PDZRN4: variants seen among roughly 807,000 people sequenced by gnomAD.
PDZRN4 encodes the protein PDZ domain containing ring finger 4.
In PDZRN4, 70 loss-of-function variants were observed where a neutral mutation model predicts 99.0. The ratio of observed to expected loss-of-function variants is 0.71; its 90% CI spans 0.58 to 0.86. The LOEUF (loss-of-function observed/expected upper bound fraction) is 0.86. PDZRN4 is among the 40% of genes least tolerant of loss of function. The pLI, the probability that PDZRN4 is intolerant of heterozygous loss-of-function variation, is 0.00. For synonymous variants in PDZRN4, 551 were observed against 501.6 expected (o/e 1.10, Z -1.32); for missense variants, 1,474 against 1,331.2 (o/e 1.11, Z -1.67).
At chr12:41,238,809 AC>A (rs1951085231) in intron 3 of PDZRN4, among the ~76,000 whole-genome samples, 3 of 152,310 alleles carry the variant, frequency 2.0e-5, no homozygotes, top group South Asian at 4.1e-4. Context: ...AAATAAAAAA[AC>A]AACAGATGCT....
chr12:41,442,439 G>A (rs1952687217), intron 3 of PDZRN4, among the ~76,000 whole-genome samples: 1 of 152,072 alleles, frequency 6.6e-6, no homozygotes, highest in Non-Finnish European at 1.5e-5. Flanking sequence ...AGTCAATTCT[G>A]TATGAGTGAA....
At chr12:41,302,994 C>CA (rs1272597558) in intron 3 of PDZRN4, among the ~76,000 whole-genome samples, 1 of 151,652 alleles carries the variant, frequency 6.6e-6, no homozygotes, top group African/African-American at 2.4e-5. Context: ...ACTACTCAGA[C>CA]ACTCTTGTGT....
chr12:41,260,979 C>T (rs771327829), intron 3 of PDZRN4, among the ~76,000 whole-genome samples: 52 of 152,146 alleles, frequency 3.4e-4, no homozygotes, highest in Non-Finnish European at 5.9e-4. Context: ...CATGATTTAT[C>T]TCTCCCTTTT....
At chr12:41,405,869 T>C (rs1036969330) in intron 3 of PDZRN4, among the ~76,000 whole-genome samples, 24 of 151,956 alleles carry the variant, frequency 1.6e-4, no homozygotes, top group African/African-American at 5.6e-4. Context: ...ATACCACATG[T>C]TCTCACTTAT....
chr12:41,308,080 T>A (rs1951583784), intron 3 of PDZRN4, among the ~76,000 whole-genome samples: 1 of 152,204 alleles, frequency 6.6e-6, no homozygotes, highest in African/African-American at 2.4e-5. Flanking sequence ...TATATATTAT[T>A]ATTTTCTAAC....
chr12:41,292,196 C>T (rs1951460717), intron 3 of PDZRN4, among the ~76,000 whole-genome samples: 1 of 152,142 alleles, frequency 6.6e-6, no homozygotes, highest in African/African-American at 2.4e-5. Flanking sequence ...AACAGAAGGA[C>T]TGAGGAAAAT....
intron 3 of PDZRN4, among the ~76,000 whole-genome samples, chr12:41,362,198 G>T (rs1951968167): frequency 1.3e-5 from 2 of 151,892 alleles, no homozygotes; most frequent in African/African-American, 2.4e-5. Flanking sequence ...TTAATTGTTA[G>T]TACTGCCACA....
intron 3 of PDZRN4, among the ~76,000 whole-genome samples, chr12:41,381,029 T>A (rs560107172): frequency 7.2e-4 from 109 of 152,248 alleles, no homozygotes; most frequent in African/African-American, 2.6e-3. Context: ...TTTCTTTCAA[T>A]ATTTTAAACA....
chr12:41,301,244 AAT>A lies in PDZRN4; in HGVS notation c.843+107061_843+107062del, dbSNP rs540167325. ...CACAGACAGACATCATGCCCATTTG[AAT>A]ATATTCTTTTCTTCCAGATACGCAC... On this transcript the variant is annotated intron_variant, in intron 3 of 9. Coordinates refer to ENST00000402685, the MANE Select transcript of PDZRN4 (RefSeq NM_001164595.2). Among the ~76,000 whole-genome samples the A allele has an allele frequency of 2.9e-3, 445 of 152,098 alleles. 2 individuals carry two copies. The highest frequency in any genetic ancestry group is 0.01 in the African/African-American group (431 of 41,526).
rs537606676 is a variant in PDZRN4 at position 41,403,815 on chromosome 12, A to C, written c.844-102641A>C. 4.6e-5 allele frequency among the ~76,000 whole-genome samples: 7 copies of C among 152,316 alleles called. No homozygotes were observed. The South Asian group carries it at 1.2e-3, about 27-fold the overall frequency. ...TGTTAATTACTTTTTAGTACCAGGCATATGAAATGCAATTCTAAAAATCAC... is the reference window on the plus strand; with the variant it reads ...TGTTAATTACTTTTTAGTACCAGGCCTATGAAATGCAATTCTAAAAATCAC... On this transcript the variant is annotated intron_variant, in intron 3 of 9. Coordinates refer to ENST00000402685, the MANE Select transcript of PDZRN4 (RefSeq NM_001164595.2).
At chr12:41,514,175 C>T (rs977086680) in intron 5 of PDZRN4, among the ~76,000 whole-genome samples, 27 of 151,912 alleles carry the variant, frequency 1.8e-4, no homozygotes, top group Admixed American at 1.7e-3. Context: ...ACATGTTAAC[C>T]GAAAACCAAA....
At chr12:41,377,619 A>C (rs1165535571) in intron 3 of PDZRN4, among the ~76,000 whole-genome samples, 1 of 152,058 alleles carries the variant, frequency 6.6e-6, no homozygotes, top group Non-Finnish European at 1.5e-5. Context: ...AGCTGAGATC[A>C]TGCCACTGCA....
chr12:41,369,527 G>T (rs1335089367), intron 3 of PDZRN4, among the ~76,000 whole-genome samples: 2 of 151,508 alleles, frequency 1.3e-5, no homozygotes, highest in African/African-American at 4.8e-5. Context: ...TTAATATTTT[G>T]TCATTTCCTT....
At chr12:41,253,353 A>G (rs1294330480) in intron 3 of PDZRN4, among the ~76,000 whole-genome samples, 1 of 152,226 alleles carries the variant, frequency 6.6e-6, no homozygotes, top group Admixed American at 6.5e-5. Flanking sequence ...ATGAATGGTA[A>G]GAGACAGGGT....
chr12:41,351,186 A>G (rs59080960), intron 3 of PDZRN4, among the ~76,000 whole-genome samples: 2,024 of 152,226 alleles, frequency 0.013, 49 homozygotes, highest in African/African-American at 0.046. Context: ...CTTCTAGGTG[A>G]TAATCCCTTC....
chr12:41,362,601 A>T (rs1951972016), intron 3 of PDZRN4, among the ~76,000 whole-genome samples: 1 of 152,078 alleles, frequency 6.6e-6, no homozygotes, highest in Admixed American at 6.6e-5. Context: ...ATCTATCTTC[A>T]AATGAAAGAA....
chr12:41,514,620 G>T (rs1317191910), intron 5 of PDZRN4, among the ~76,000 whole-genome samples: 2 of 152,076 alleles, frequency 1.3e-5, no homozygotes, highest in Non-Finnish European at 2.9e-5. Flanking sequence ...CTGTTTCACA[G>T]TGGGTGCTCA....
intron 3 of PDZRN4, among the ~76,000 whole-genome samples, chr12:41,495,493 ATT>A (rs1192139612): frequency 6.6e-6 from 1 of 151,974 alleles, no homozygotes; most frequent in Non-Finnish European, 1.5e-5. Context: ...TCAGGATACC[ATT>A]TTACAGCTCT....
intron 5 of PDZRN4, among the ~76,000 whole-genome samples, chr12:41,547,669 A>C (rs527678604): frequency 3.1e-4 from 47 of 152,072 alleles, no homozygotes; most frequent in Non-Finnish European, 5.7e-4. Context: ...TGTATGAATC[A>C]CTTCTCACTT....
Sources: allele counts gnomAD v4.1 joint callset (sites outside exome capture counted in the v4.1 genomes callset), GRCh38; gene constraint gnomAD v4.1.1; transcripts MANE v1.5; gene names NCBI Gene and HGNC (gene_info 2026-07-23, HGNC 2026-07-21).